NBPF15: variants seen among roughly 807,000 people sequenced by gnomAD.
The protein encoded by NBPF15 is NBPF member 15.
Under a neutral mutation model 62.2 loss-of-function variants are expected in NBPF15, and 74 were observed. The observed-to-expected ratio is 1.19, with a 90% CI of 0.99 to 1.44. The LOEUF is 1.44. Among genes scored for constraint, NBPF15 ranks in the 40% most tolerant of loss-of-function variants. The pLI, the probability that NBPF15 is intolerant of heterozygous loss-of-function variation, is 0.00. For synonymous variants in NBPF15, 244 were observed against 209.7 expected (o/e 1.16, Z -1.41); for missense variants, 790 against 550.0 (o/e 1.44, Z -4.36).
chr1:144,436,332 C>A (rs1289367492), intron 10 of NBPF15, among the ~76,000 whole-genome samples: 1 of 151,942 alleles, frequency 6.6e-6, no homozygotes, highest in Non-Finnish European at 1.5e-5. Flanking sequence ...GGGGAGTGCT[C>A]CAGTCTGAAG....
At chr1:144,447,142 T>G (rs1415534472) in intron 6 of NBPF15, among the ~76,000 whole-genome samples, 1 of 152,390 alleles carries the variant, frequency 6.6e-6, no homozygotes, top group South Asian at 2.1e-4. Flanking sequence ...AGAACCCTGT[T>G]GTTCTGACAG....
At chr1:144,453,647 A>C (rs1692629221) in intron 4 of NBPF15, among the ~76,000 whole-genome samples, 1 of 116,622 alleles carries the variant, frequency 8.6e-6, no homozygotes, top group African/African-American at 4.4e-5. Flanking sequence ...GCAAAAAAAA[A>C]AAAAAAAAAA....
chr1:144,427,975 C>T lies in NBPF15; in HGVS notation c.1056G>A (p.Leu352=). 1 of 772,750 alleles carries T rather than the reference C, an allele frequency of 1.3e-6. No individual in the cohort carries two copies. The highest frequency in any genetic ancestry group is 1.8e-5 in the Admixed American group (1 of 56,608). The allele number at this position is 772,750 out of a possible 1,614,324, so 47.9% of individuals were successfully genotyped here. Reference sequence around the variant, plus strand: ...AGACTTCAGGCTCTTTCTCATCCAGCAGCTCCCTGCTGAGCCTGGAAAAGT... The same window carrying T: ...AGACTTCAGGCTCTTTCTCATCCAGTAGCTCCCTGCTGAGCCTGGAAAAGT... The part of the protein sequence containing the change: ...EATGPRLSRE[L]LDEKEPEVLQ... The change falls in exon 16 of 22, where the codon CTG becomes CTA. Residue 352 remains leucine (L), a synonymous_variant. Transcript: ENST00000581897.
chr1:144,435,153 A>G lies in NBPF15; in HGVS notation c.730T>C (p.Ser244Pro), dbSNP rs1351688313. The change falls in exon 12 of 22, where the codon TCC (serine) becomes CCC (proline). Residue 244 changes from serine to proline, a missense_variant. Coordinates refer to ENST00000581897, the MANE Select transcript of NBPF15 (RefSeq NM_001385408.1). ...GCATCCTCCCATTCAACATGAGAGG[A>G]TGAGCCAATGAGAGTTGAGTCGACT... is the stretch of plus-strand genomic sequence containing the variant. ...DKVDSTLIGS[S>P]SHVEWEDAVH... The G allele has an allele frequency of 1.2e-6, 2 of 1,612,850 alleles. No homozygotes were observed. Among genetic ancestry groups the G allele is most frequent in the African/African-American group, 2.7e-5 (2 of 74,814 alleles).
At chr1:144,440,567 A>G (rs2102235856) in intron 6 of NBPF15, 1 of 244,346 alleles carries the variant, frequency 4.1e-6, no homozygotes, top group Non-Finnish European at 7.8e-6. Context: ...ACAGTTTCCC[A>G]ACAGGTTATA....
intron 8 of NBPF15, among the ~76,000 whole-genome samples, chr1:144,438,949 C>G (rs1208923264): frequency 6.6e-6 from 1 of 151,796 alleles, no homozygotes; most frequent in Non-Finnish European, 1.5e-5. Flanking sequence ...TCTCACCAAG[C>G]TACTCTCTGC....
rs1296651279 is a variant in NBPF15, at chr1:144,427,081, C to T, written c.1231G>A (p.Glu411Lys). The change falls in exon 17 of 22, where the codon GAA (glutamate) becomes AAA (lysine). Residue 411 changes from glutamate (E) to lysine (K), a missense_variant. Glu to Lys is a moderately conservative substitution (Grantham distance 56, BLOSUM62 1). Coordinates refer to ENST00000581897, the MANE Select transcript of NBPF15 (RefSeq NM_001385408.1). ...IDMDEIEKYQ[E>K]VEEDQDPSCP... ...GATGGGTCTTGGTCTTCTTCCACTT[C>T]TTGGTACTTTTCAATTTCTGCAATA... 5.1e-6 allele frequency: 3 copies of T among 585,816 alleles called. No individual in the cohort carries two copies. Among genetic ancestry groups the T allele is most frequent in the Non-Finnish European group, 8.9e-6 (3 of 338,564 alleles). 36.3% of individuals were successfully genotyped at this position (585,816 alleles called of 1,614,324 possible).
At chr1:144,431,899 A>T (rs1242794473) in intron 13 of NBPF15, among the ~76,000 whole-genome samples, 3 of 146,040 alleles carry the variant, frequency 2.1e-5, no homozygotes, top group Non-Finnish European at 3.0e-5. Flanking sequence ...TCATTGCTGG[A>T]TATTTGGCTT....
At chr1:144,444,902 A>T (rs1686168623) in intron 6 of NBPF15, among the ~76,000 whole-genome samples, 1 of 151,934 alleles carries the variant, frequency 6.6e-6, no homozygotes, top group Non-Finnish European at 1.5e-5. Context: ...GAAGGGAATG[A>T]CTGTCTATCT....
intron 20 of NBPF15, 65 bp downstream of exon 20, chr1:144,424,625 C>A: frequency 3.0e-6 from 2 of 656,544 alleles, no homozygotes; most frequent in Non-Finnish European, 5.4e-6. Context: ...CCAATTGGAG[C>A]AGGAATATGA....
Position 144,427,089 on chromosome 1 carries a change from T to A in NBPF15, c.1223A>T (p.Lys408Met), listed in dbSNP as rs1553539413. Residue 408 changes from lysine (K) to methionine (M), a missense_variant, in exon 17 of 22, where the codon AAG becomes ATG. Lys to Met is a moderately conservative substitution (Grantham distance 95, BLOSUM62 -1). Coordinates refer to ENST00000581897, the MANE Select transcript of NBPF15 (RefSeq NM_001385408.1). ...TTGGTCTTCTTCCACTTCTTGGTACTTTTCAATTTCTGCAATAAGTTCAGA... is the reference window on the plus strand; with the variant it reads ...TTGGTCTTCTTCCACTTCTTGGTACATTTCAATTTCTGCAATAAGTTCAGA... Reference protein sequence around the residue: ...GLAIDMDEIEKYQEVEEDQDP... With the variant: ...GLAIDMDEIEMYQEVEEDQDP... The A allele has an allele frequency of 6.9e-6, 4 of 578,328 alleles. No individual in the cohort carries two copies. The Middle Eastern group carries it at 1.8e-3, about 263-fold the overall frequency. The allele number at this position is 578,328 out of a possible 1,614,324, so 35.8% of individuals were successfully genotyped here. A position where few individuals can be genotyped will look rare whatever the true frequency, so the allele number is the denominator to read the frequency against.
chr1:144,424,539 G>A (rs1553538892), intron 20 of NBPF15, among the ~76,000 whole-genome samples, 151 bp downstream of exon 20: 1 of 151,836 alleles, frequency 6.6e-6, no homozygotes, highest in African/African-American at 2.4e-5. Flanking sequence ...CTTCCAGGTA[G>A]AACTAGAGTT....
intron 4 of NBPF15, among the ~76,000 whole-genome samples, chr1:144,455,105 AAGGAAGGAAGGGAGGG>A (rs1181745106): frequency 7.2e-6 from 1 of 138,568 alleles, no homozygotes; most frequent in African/African-American, 2.9e-5. Context: ...GGAAGGAAGG[AAGGAAGGAAGGGAGGG>A]AGGAAGGGAG....
In NBPF15 at chr1:144,440,192, A is replaced by C; in HGVS notation, c.-87T>G. On this transcript the variant is annotated 5_prime_UTR_variant, in exon 7 of 22. Transcript: ENST00000581897. ...ACAGCACTTTAGGATCCTTCACCAC[A>C]AAAACAAGGTTCGAGGTGCCTCAAC... is the stretch of plus-strand genomic sequence containing the variant. The C allele has an allele frequency of 7.8e-6, 12 of 1,540,546 alleles. No homozygotes were observed. The highest frequency in any genetic ancestry group is 1.2e-5 in the South Asian group (1 of 85,844).
At chr1:144,427,168 A>C (rs1553539431) in intron 16 of NBPF15, 70 bp from the exon 17 acceptor site, 3 of 573,176 alleles carry the variant, frequency 5.2e-6, no homozygotes, top group African/African-American at 2.1e-5. Context: ...TCCACTGTCT[A>C]ATCCTCACAC....
rs782074648 is a variant in NBPF15 at position 144,422,982 on chromosome 1, G to T, written c.*31C>A. 5.6e-6 allele frequency: 9 copies of T among 1,611,552 alleles called. 1 individual carries two copies. The African/African-American group carries it at 1.2e-4, about 22-fold the overall frequency. On this transcript the variant is annotated 3_prime_UTR_variant, in exon 22 of 22. Coordinates refer to ENST00000581897, the MANE Select transcript of NBPF15 (RefSeq NM_001385408.1). ...TCGTGCCTATAGGTCCTGCCTGCAG[G>T]AATGACATCTCTCGGCTTAGTAAGA...
chr1:144,449,641 G>A (rs1412989553), intron 5 of NBPF15, among the ~76,000 whole-genome samples: 1 of 151,998 alleles, frequency 6.6e-6, no homozygotes, highest in Non-Finnish European at 1.5e-5. Context: ...AGAGCCCAGA[G>A]GTAAAGACCC....
rs782365221 is a variant in NBPF15, at chr1:144,423,251, T to A, written c.1775A>T (p.Tyr592Phe). 6.2e-7 allele frequency: 1 copy of A among 1,611,012 alleles called. No homozygotes were observed. Among genetic ancestry groups the A allele is most frequent in the East Asian group, 2.2e-5 (1 of 44,844 alleles). Residue 592 changes from tyrosine to phenylalanine, a missense_variant, in exon 22 of 22, where the codon TAC (tyrosine) becomes TTC (phenylalanine). By Grantham distance (22) the Tyr-to-Phe change is conservative (BLOSUM62 3). Coordinates refer to ENST00000581897, the MANE Select transcript of NBPF15 (RefSeq NM_001385408.1). ...CTCTTCCACTTCCATCAGCACGCCGTAGAGCCTGGAAAAGGAGACAAAACT... is the reference window on the plus strand; with the variant it reads ...CTCTTCCACTTCCATCAGCACGCCGAAGAGCCTGGAAAAGGAGACAAAACT... ...EDDNPPCPRL[Y>F]GVLMEVEEPE...
At chr1:144,440,536 T>C (rs1444995431) in intron 6 of NBPF15, 2 of 307,350 alleles carry the variant, frequency 6.5e-6, no homozygotes, top group South Asian at 9.8e-5. Context: ...CTCTTGTCTG[T>C]ACAACATCAT....
Sources: gnomAD v4.1 joint callset for allele counts (sites outside exome capture counted in the v4.1 genomes callset) on GRCh38, gnomAD v4.1.1 for gene constraint, MANE v1.5 for transcripts, NCBI Gene and HGNC (gene_info 2026-07-23, HGNC 2026-07-21) for gene names.